The following KALRN variants were observed in gnomAD, a reference collection of about 807,000 sequenced individuals.
KALRN encodes kalirin RhoGEF kinase, also known as kalirin.
In KALRN, 70 loss-of-function variants were observed where a neutral mutation model predicts 353.7. The ratio of observed to expected loss-of-function variants is 0.20; its 90% confidence interval spans 0.16 to 0.24. The LOEUF is 0.24. KALRN is among the 10% of genes least tolerant of loss of function. The pLI is 1.00. For synonymous variants in KALRN, 1,391 were observed against 1,434.8 expected (o/e 0.97, Z 0.69); for missense variants, 2,791 against 3,756.7 (o/e 0.74, Z 6.72).
chr3:124,642,806 G>GTTGTTTTTTTGTTGTTGTTTT (rs796628603), intron 37 of KALRN, among the ~76,000 whole-genome samples: 2 of 96,840 alleles, frequency 2.1e-5, no homozygotes, highest in Admixed American at 1.3e-4. Context: ...CCCAAGCCTC[G>GTTGTTTTTTTGTTGTTGTTTT]TTTTTTTTTT....
At chr3:124,170,465 G>A (rs1382967517) in intron 1 of KALRN, among the ~76,000 whole-genome samples, 1 of 152,200 alleles carries the variant, frequency 6.6e-6, no homozygotes, top group Admixed American at 6.5e-5. Context: ...ATAAGTGGCA[G>A]TATTGGGATT....
chr3:124,412,921 G>A (rs1252035714), intron 13 of KALRN, among the ~76,000 whole-genome samples: 1 of 152,198 alleles, frequency 6.6e-6, no homozygotes, highest in East Asian at 1.9e-4. Context: ...GTAACTTTGG[G>A]CCATTCACCA....
At chr3:124,409,673 G>T (rs2091958759) in intron 13 of KALRN, among the ~76,000 whole-genome samples, 1 of 152,076 alleles carries the variant, frequency 6.6e-6, no homozygotes, top group African/African-American at 2.4e-5. Flanking sequence ...TTAGCAGTAA[G>T]GTCAACTTAA....
chr3:124,609,768 C>T lies in KALRN; in HGVS notation c.5183-22652C>T, dbSNP rs182810659. Among the ~76,000 whole-genome samples, 16 of 152,302 alleles carry T rather than the reference C, an allele frequency of 1.1e-4. No individual in the cohort carries two copies. In the East Asian group the frequency reaches 3.1e-3, roughly 29 times the overall value. On this transcript the variant is annotated intron_variant, in intron 34 of 59. Coordinates refer to ENST00000682506, the MANE Select transcript of KALRN (RefSeq NM_001388419.1). Reference sequence around the variant, plus strand: ...ATTTAATAGTCATTACTGTCATTGCCATTTATTGTCATATAATAAGCTGTC... The same window carrying T: ...ATTTAATAGTCATTACTGTCATTGCTATTTATTGTCATATAATAAGCTGTC...
intron 11 of KALRN, among the ~76,000 whole-genome samples, chr3:124,385,275 C>T (rs186165735): frequency 1.4e-4 from 22 of 152,184 alleles, no homozygotes; most frequent in Admixed American, 3.9e-4. Flanking sequence ...AGGTGGTTTT[C>T]GGGGCATCTG....
chr3:124,719,378 T>C lies in KALRN; in HGVS notation c.8869T>C (p.Cys2957Arg). 6.2e-7 allele frequency: 1 copy of C among 1,614,202 alleles called. No homozygotes were observed. Among genetic ancestry groups the C allele is most frequent in the South Asian group, 1.1e-5 (1 of 91,088 alleles). Residue 2957 changes from cysteine to arginine, a missense_variant, in exon 60 of 60, where the codon TGC (cysteine) becomes CGC (arginine). Cys to Arg is a radical substitution (Grantham distance 180). Around this residue, in one of 11 missense-constraint regions of KALRN, gnomAD observed 188 missense variants for 402.9 expected, o/e 0.47. Coordinates refer to ENST00000682506, the MANE Select transcript of KALRN (RefSeq NM_001388419.1). The surrounding 1 kb of genome is among the most constrained non-coding windows in gnomAD (Gnocchi z 5.3). The stretch of plus-strand genomic sequence containing the variant: ...CCCCCTGGACACCTCCCGCCTAGCA[T>C]GCTTCATAGAACGTCGCAAGCACCA... ...KIPLDTSRLA[C>R]FIERRKHQND...
At chr3:124,337,013 A>G (rs1213403527) in intron 9 of KALRN, among the ~76,000 whole-genome samples, 2 of 152,196 alleles carry the variant, frequency 1.3e-5, no homozygotes, top group Non-Finnish European at 1.5e-5. Flanking sequence ...TTGATTTTGT[A>G]TCTTGAGACT....
intron 33 of KALRN, among the ~76,000 whole-genome samples, chr3:124,548,759 T>C (rs2109488574): frequency 6.6e-6 from 1 of 152,358 alleles, no homozygotes; most frequent in Admixed American, 6.5e-5. Context: ...GTTCAAATGA[T>C]TCTCCTGCCT....
chr3:124,313,618 C>T (rs1175483384), intron 6 of KALRN, among the ~76,000 whole-genome samples: 2 of 152,198 alleles, frequency 1.3e-5, no homozygotes. Flanking sequence ...GAAGCTAGTG[C>T]TTGTCTCTAA....
intron 34 of KALRN, among the ~76,000 whole-genome samples, chr3:124,583,354 T>TGTTCTCTC (rs199531600): frequency 0.17 from 25,316 of 152,094 alleles, 2,250 homozygotes; most frequent in Middle Eastern, 0.2. Flanking sequence ...ACCCTGTGAG[T>TGTTCTCTC]AATACAGTGG....
Position 124,383,678 on chromosome 3 carries a change from A to T in KALRN, c.1771-1167A>T, listed in dbSNP as rs80204014. Among the ~76,000 whole-genome samples the T allele has an allele frequency of 2.8e-4, 42 of 152,310 alleles. No homozygotes were observed. The East Asian group carries it at 7.1e-3, about 26-fold the overall frequency. ...AATGTAACTAATTACGTCTACAATT[A>T]TCCTGTTTCCAAGGAAGGTCACATT... On this transcript the variant is annotated intron_variant, in intron 10 of 59. Transcript: ENST00000682506.
intron 14 of KALRN, among the ~76,000 whole-genome samples, chr3:124,416,043 T>C (rs1233029722): frequency 2.0e-5 from 3 of 152,232 alleles, no homozygotes; most frequent in Non-Finnish European, 4.4e-5. Context: ...CCTGCCCTCA[T>C]GGTACTTACT....
At chr3:124,633,653 GTGT>G (rs2081040744) in intron 35 of KALRN, among the ~76,000 whole-genome samples, 196 bp from the exon 36 acceptor site, 1 of 152,028 alleles carries the variant, frequency 6.6e-6, no homozygotes, top group Admixed American at 6.6e-5. Flanking sequence ...GTGTGTGTGT[GTGT>G]GTTCCCCACT....
At chr3:124,644,559 G>A (rs2082474132) in intron 37 of KALRN, among the ~76,000 whole-genome samples, 2 of 151,788 alleles carry the variant, frequency 1.3e-5, no homozygotes, top group South Asian at 2.1e-4. Context: ...TCCCACTTAT[G>A]AGTGAGAACA....
intron 36 of KALRN, among the ~76,000 whole-genome samples, chr3:124,636,540 A>G (rs2081367815): frequency 6.6e-6 from 1 of 152,082 alleles, no homozygotes; most frequent in South Asian, 2.1e-4. Flanking sequence ...AAAGCCTTTT[A>G]TTACTTCCTA....
chr3:124,268,457 G>A (rs2073816831), intron 4 of KALRN: 1 of 421,336 alleles, frequency 2.4e-6, no homozygotes, highest in Non-Finnish European at 4.3e-6. Context: ...CTGGGGTCAG[G>A]AGGAGGGAAA....
chr3:124,290,217 A>G (rs188925028), intron 5 of KALRN, among the ~76,000 whole-genome samples: 179 of 152,242 alleles, frequency 1.2e-3, no homozygotes, highest in African/African-American at 4.1e-3. Context: ...AGGAAGAGAC[A>G]CTCATCATGT....
intron 36 of KALRN, 65 bp from the exon 37 acceptor site, chr3:124,637,143 T>C (rs1183501113): frequency 3.8e-6 from 5 of 1,316,750 alleles, no homozygotes; most frequent in Non-Finnish European, 5.5e-6. Context: ...TTCTGTTTTA[T>C]TTCCTGATCA....
intron 21 of KALRN, among the ~76,000 whole-genome samples, chr3:124,451,425 C>A (rs140192177): frequency 2.0e-5 from 3 of 152,274 alleles, no homozygotes; most frequent in Non-Finnish European, 4.4e-5. Context: ...GATAAGTGAG[C>A]TCTCAGGTCT....
Sources: gnomAD v4.1 joint callset for allele counts (sites outside exome capture counted in the v4.1 genomes callset) on GRCh38, gnomAD v4.1.1 for gene constraint, gnomAD v4.1.1 regional missense constraint, Gnocchi (gnomAD v3.1) non-coding constraint, MANE v1.5 for transcripts, NCBI Gene and HGNC (gene_info 2026-07-23, HGNC 2026-07-21) for gene names.